LUZP2: variants seen among roughly 807,000 people sequenced by gnomAD.
LUZP2 encodes the protein leucine zipper protein 2.
A neutral mutation model predicts 51.6 loss-of-function variants in LUZP2; 52 were observed. That is an observed-to-expected ratio of 1.01 (90% CI 0.81 to 1.27). The LOEUF (loss-of-function observed/expected upper bound fraction) is 1.27. Ranked by LOEUF, LUZP2 falls within the 50% of genes most tolerant of loss-of-function variation. LUZP2 has a pLI of 0.00. For synonymous variants in LUZP2, 154 were observed against 137.3 expected (o/e 1.12, Z -0.85); for missense variants, 436 against 395.4 (o/e 1.10, Z -0.87).
intron 9 of LUZP2, among the ~76,000 whole-genome samples, chr11:25,022,834 GT>G (rs1248726247): frequency 6.6e-6 from 1 of 152,036 alleles, no homozygotes; most frequent in African/African-American, 2.4e-5. Flanking sequence ...TCAATACCTA[GT>G]TTATTGAGAG....
intron 5 of LUZP2, among the ~76,000 whole-genome samples, chr11:24,787,126 T>C (rs560222085): frequency 1.3e-5 from 2 of 152,266 alleles, no homozygotes; most frequent in South Asian, 4.1e-4. Context: ...AACAGCTACG[T>C]TTGGGTACCC....
intron 5 of LUZP2, among the ~76,000 whole-genome samples, chr11:24,823,978 G>A (rs1850440377): frequency 6.6e-6 from 1 of 151,954 alleles, no homozygotes; most frequent in African/African-American, 2.4e-5. Context: ...CAGGAGAATG[G>A]CGTGAACCCA....
intron 9 of LUZP2, among the ~76,000 whole-genome samples, chr11:25,018,780 G>T (rs1313818282): frequency 6.6e-6 from 1 of 151,656 alleles, no homozygotes; most frequent in Non-Finnish European, 1.5e-5. Flanking sequence ...GCTAAGTTTT[G>T]TATTTTTAGT....
At chr11:24,585,174 T>C (rs1048623591) in intron 1 of LUZP2, among the ~76,000 whole-genome samples, 1 of 152,098 alleles carries the variant, frequency 6.6e-6, no homozygotes, top group African/African-American at 2.4e-5. Flanking sequence ...GTAAATTTAC[T>C]GAAAAATGGA....
At chr11:25,001,294 A>G (rs1473433485) in intron 9 of LUZP2, among the ~76,000 whole-genome samples, 1 of 152,162 alleles carries the variant, frequency 6.6e-6, no homozygotes, top group Non-Finnish European at 1.5e-5. Flanking sequence ...GAGCAGACCA[A>G]TTATTAGGCA....
chr11:24,652,927 A>T (rs1247023065), intron 1 of LUZP2, among the ~76,000 whole-genome samples: 1 of 152,152 alleles, frequency 6.6e-6, no homozygotes, highest in East Asian at 1.9e-4. Context: ...AATTTAAGTA[A>T]CCTTTATTGG....
At chr11:24,778,271 C>T (rs77762226) in intron 5 of LUZP2, among the ~76,000 whole-genome samples, 3,621 of 152,044 alleles carry the variant, frequency 0.024, 162 homozygotes, top group African/African-American at 0.083. Context: ...AAAAAATCAG[C>T]CGGGCATCGT....
intron 5 of LUZP2, among the ~76,000 whole-genome samples, chr11:24,863,278 A>G (rs575971417): frequency 6.6e-6 from 1 of 152,312 alleles, no homozygotes; most frequent in South Asian, 2.1e-4. Context: ...ATTTTTCAAA[A>G]TAGCCTAAAA....
At chr11:24,958,461 G>A (rs1855278804) in intron 7 of LUZP2, among the ~76,000 whole-genome samples, 1 of 152,182 alleles carries the variant, frequency 6.6e-6, no homozygotes, top group Admixed American at 6.6e-5. Flanking sequence ...GGTGTGAGAT[G>A]ATAACTCATT....
chr11:24,614,867 A>T (rs1012821185), intron 1 of LUZP2, among the ~76,000 whole-genome samples: 1 of 151,790 alleles, frequency 6.6e-6, no homozygotes, highest in African/African-American at 2.4e-5. Flanking sequence ...TTCTATCTCA[A>T]CCTCATAGAC....
At chr11:24,629,010 G>A (rs1254129102) in intron 1 of LUZP2, among the ~76,000 whole-genome samples, 6 of 151,932 alleles carry the variant, frequency 3.9e-5, no homozygotes, top group South Asian at 2.1e-4. Flanking sequence ...ATATAAAAAA[G>A]CAATGTAATA....
intron 1 of LUZP2, among the ~76,000 whole-genome samples, chr11:24,702,376 TAAA>T (rs1275768376): frequency 5.3e-5 from 8 of 151,160 alleles, no homozygotes; most frequent in Non-Finnish European, 1.2e-4. Flanking sequence ...GAAGAAGAAA[TAAA>T]AAGAAAGGAA....
intron 1 of LUZP2, among the ~76,000 whole-genome samples, chr11:24,605,319 T>A (rs2133874769): frequency 6.6e-6 from 1 of 151,818 alleles, no homozygotes; most frequent in South Asian, 2.1e-4. Flanking sequence ...TAAATACAAA[T>A]AAAAGAATGA....
At chr11:24,588,847 A>C (rs968460095) in intron 1 of LUZP2, among the ~76,000 whole-genome samples, 2 of 151,328 alleles carry the variant, frequency 1.3e-5, no homozygotes, top group Non-Finnish European at 2.9e-5. Flanking sequence ...AATCTCAATA[A>C]TTTTTTTTTA....
chr11:24,585,781 C>T (rs937080711), intron 1 of LUZP2, among the ~76,000 whole-genome samples: 1 of 151,940 alleles, frequency 6.6e-6, no homozygotes, highest in Non-Finnish European at 1.5e-5. Flanking sequence ...TTCAGACAAA[C>T]CTATGCCTAT....
chr11:24,838,330 C>A (rs928418827), intron 5 of LUZP2, among the ~76,000 whole-genome samples: 1 of 151,464 alleles, frequency 6.6e-6, no homozygotes, highest in African/African-American at 2.4e-5. Flanking sequence ...TACTTAACAA[C>A]CTTGTGAAGG....
At chr11:24,599,537 A>G (rs1853552779) in intron 1 of LUZP2, among the ~76,000 whole-genome samples, 1 of 152,168 alleles carries the variant, frequency 6.6e-6, no homozygotes, top group South Asian at 2.1e-4. Flanking sequence ...CTGCCACAGT[A>G]TCTTCCTCAA....
rs537814351 is a variant in LUZP2 at position 24,893,213 on chromosome 11, A to G, written c.397-12778A>G. On this transcript the variant is annotated intron_variant, in intron 5 of 11. Coordinates refer to ENST00000336930, the MANE Select transcript of LUZP2 (RefSeq NM_001009909.4). ...ATTCATTTATTCGTTCATGAATGCTATTCATTCACATTCATTAAATAATAA... is the reference window on the plus strand; with the variant it reads ...ATTCATTTATTCGTTCATGAATGCTGTTCATTCACATTCATTAAATAATAA... The G allele has an allele frequency of 3.3e-5, 5 of 152,336 alleles. No individual in the cohort carries two copies. In the East Asian group the frequency reaches 9.6e-4, roughly 29 times the overall value. 9.4% of individuals were successfully genotyped at this position (152,336 alleles called of 1,614,324 possible).
At chr11:25,030,224 C>A (rs7128279) in intron 9 of LUZP2, among the ~76,000 whole-genome samples, 87,610 of 151,420 alleles carry the variant, frequency 0.58, 26,414 homozygotes, top group African/African-American at 0.75. Context: ...TTGGAACTCA[C>A]ATTTTTCACT....
Sources: gnomAD v4.1 joint callset for allele counts (sites outside exome capture counted in the v4.1 genomes callset) on GRCh38, gnomAD v4.1.1 for gene constraint, MANE v1.5 for transcripts, NCBI Gene and HGNC (gene_info 2026-07-23, HGNC 2026-07-21) for gene names.